The following CHST8 variants were observed in gnomAD, a reference collection of about 807,000 sequenced individuals.
CHST8 encodes GALNAC-4-ST1.
In CHST8, 10 loss-of-function variants were observed where a neutral mutation model predicts 15.0. The ratio of observed to expected loss-of-function variants is 0.67; its 90% confidence interval spans 0.41 to 1.13. CHST8 has a LOEUF of 1.13. Ranked by LOEUF, CHST8 falls within the 50% of genes most tolerant of loss-of-function variation. CHST8 has a pLI of 0.00. For synonymous variants in CHST8, 259 were observed against 256.6 expected, an observed-to-expected ratio of 1.01 and a Z score of -0.09; for missense variants, 634 against 608.2, an observed-to-expected ratio of 1.04 and a Z score of -0.45.
chr19:33,654,504 T>A (rs189499415), intron 1 of CHST8, among the ~76,000 whole-genome samples: 13 of 152,080 alleles, frequency 8.5e-5, no homozygotes, highest in Non-Finnish European at 1.9e-4. Context: ...GTTGTGGAGA[T>A]GTTGCTTCAG....
intron 1 of CHST8, among the ~76,000 whole-genome samples, chr19:33,641,487 G>A (rs1037877299): frequency 3.3e-5 from 5 of 152,210 alleles, no homozygotes; most frequent in Admixed American, 2.0e-4. Flanking sequence ...CTCAGCTTGC[G>A]GTGAGGAGTT....
chr19:33,749,009 C>T (rs947901362), intron 3 of CHST8, among the ~76,000 whole-genome samples: 3 of 152,124 alleles, frequency 2.0e-5, no homozygotes, highest in African/African-American at 4.8e-5. Flanking sequence ...GAATTCAGGA[C>T]GCCATGTGAG....
intron 3 of CHST8, among the ~76,000 whole-genome samples, chr19:33,743,447 G>A (rs894999541): frequency 2.0e-5 from 3 of 151,420 alleles, no homozygotes; most frequent in Non-Finnish European, 3.0e-5. Flanking sequence ...GACTACAGGC[G>A]CCCACCACCT....
intron 3 of CHST8, among the ~76,000 whole-genome samples, chr19:33,737,819 C>A (rs1355739883): frequency 6.6e-6 from 1 of 152,164 alleles, no homozygotes; most frequent in African/African-American, 2.4e-5. Context: ...TCACTCTCCT[C>A]CAAGCCCATT....
At chr19:33,757,958 T>G (rs1470969858) in intron 3 of CHST8, among the ~76,000 whole-genome samples, 1 of 152,142 alleles carries the variant, frequency 6.6e-6, no homozygotes, top group Non-Finnish European at 1.5e-5. Context: ...GACTCCAGCT[T>G]CAAGGCCCTG....
intron 3 of CHST8, among the ~76,000 whole-genome samples, chr19:33,756,024 A>C (rs957627090): frequency 2.0e-5 from 3 of 152,166 alleles, no homozygotes; most frequent in Admixed American, 6.5e-5. Context: ...CACCCAGGCA[A>C]ACACCGGCTT....
chr19:33,772,799 C>A lies in CHST8; in HGVS notation c.1011C>A (p.Pro337=). ...HWDHVSRLCS[P]CLIDYDFVGK... ...ACCATGTCAGCCGGCTCTGCAGCCC[C>A]TGCCTCATCGACTACGATTTCGTAG... The change falls in exon 5 of 5, where the codon CCC becomes CCA. Residue 337 remains proline (P), a synonymous_variant. Coordinates refer to ENST00000650847, the MANE Select transcript of CHST8 (RefSeq NM_001127895.2). 1 of 1,613,622 alleles carries A rather than the reference C, an allele frequency of 6.2e-7. No individual in the cohort carries two copies. Among genetic ancestry groups the A allele is most frequent in the Non-Finnish European group, 8.5e-7 (1 of 1,180,048 alleles).
intron 2 of CHST8, among the ~76,000 whole-genome samples, chr19:33,670,416 T>C (rs10500266): frequency 0.1 from 15,695 of 152,212 alleles, 1,571 homozygotes; most frequent in African/African-American, 0.25. Flanking sequence ...TTCTGAATAG[T>C]GCTTGGCATA....
chr19:33,750,242 A>T (rs542822180), intron 3 of CHST8, among the ~76,000 whole-genome samples: 6 of 152,316 alleles, frequency 3.9e-5, no homozygotes, highest in South Asian at 4.1e-4. Context: ...ACTTTTGGGC[A>T]GGGTCCTATT....
chr19:33,713,012 C>T (rs1458162042), intron 3 of CHST8, among the ~76,000 whole-genome samples: 1 of 152,116 alleles, frequency 6.6e-6, no homozygotes, highest in Non-Finnish European at 1.5e-5. Flanking sequence ...GGCCCTCGCC[C>T]CATGGAGAGC....
At chr19:33,747,636 G>A (rs995107203) in intron 3 of CHST8, among the ~76,000 whole-genome samples, 14 of 152,088 alleles carry the variant, frequency 9.2e-5, no homozygotes, top group African/African-American at 2.7e-4. Flanking sequence ...TGATTACCCC[G>A]GCAGGAGCAG....
intron 1 of CHST8, among the ~76,000 whole-genome samples, chr19:33,649,853 T>C (rs1331267345): frequency 6.6e-6 from 1 of 152,172 alleles, no homozygotes; most frequent in Non-Finnish European, 1.5e-5. Context: ...GGTCAGTTAG[T>C]GCCTGGCGGT....
intron 2 of CHST8, 135 bp downstream of exon 2, chr19:33,667,978 CG>C (rs1972684207): frequency 1.3e-5 from 2 of 152,010 alleles, no homozygotes; most frequent in African/African-American, 4.8e-5. Flanking sequence ...GCCCTTGTGT[CG>C]GGGGAAAAAT....
chr19:33,751,683 C>T (rs955940805), intron 3 of CHST8, among the ~76,000 whole-genome samples: 12 of 152,224 alleles, frequency 7.9e-5, no homozygotes, highest in African/African-American at 2.4e-4. Flanking sequence ...TCAGACAGCT[C>T]GGGCCTGGAC....
chr19:33,662,074 C>A (rs1246877767), intron 1 of CHST8, among the ~76,000 whole-genome samples: 2 of 151,384 alleles, frequency 1.3e-5, no homozygotes, highest in Non-Finnish European at 2.9e-5. Context: ...TTTTTTTTCT[C>A]TCTTTTTAAA....
intron 1 of CHST8, among the ~76,000 whole-genome samples, chr19:33,632,238 C>T (rs1007043191): frequency 2.0e-5 from 3 of 151,990 alleles, no homozygotes; most frequent in South Asian, 2.1e-4. Flanking sequence ...CCCCCGGGCT[C>T]AAGTAATCCT....
intron 1 of CHST8, among the ~76,000 whole-genome samples, chr19:33,650,425 A>T (rs1972421282): frequency 1.4e-5 from 2 of 148,056 alleles, no homozygotes; most frequent in South Asian, 4.2e-4. Flanking sequence ...GAGTTGTTAA[A>T]TTTTTTAAAT....
intron 2 of CHST8, among the ~76,000 whole-genome samples, chr19:33,678,116 T>G (rs770831949): frequency 6.6e-6 from 1 of 152,044 alleles, no homozygotes; most frequent in Non-Finnish European, 1.5e-5. Context: ...TGGACCCACA[T>G]TTCTGGCTTT....
At chr19:33,755,494 A>G (rs1974528331) in intron 3 of CHST8, among the ~76,000 whole-genome samples, 1 of 148,740 alleles carries the variant, frequency 6.7e-6, no homozygotes, top group Non-Finnish European at 1.5e-5. Flanking sequence ...TCACCCTGCT[A>G]GTGAATCATT....
Sources: allele counts gnomAD v4.1 joint callset (sites outside exome capture counted in the v4.1 genomes callset), GRCh38; gene constraint gnomAD v4.1.1; transcripts MANE v1.5; gene names NCBI Gene and HGNC (gene_info 2026-07-23, HGNC 2026-07-21).